Variants in GON4L observed in about 807,000 individuals in gnomAD.
GON4L encodes GON-4-like protein.
GON4L carries 87 observed loss-of-function variants against 211.8 expected under a neutral mutation model. The observed-to-expected ratio is 0.41, with a 90% confidence interval of 0.35 to 0.49. The LOEUF (loss-of-function observed/expected upper bound fraction) is 0.49, where lower values mean the gene tolerates loss of function less well. GON4L is among the 20% of genes least tolerant of loss of function. The pLI, the probability that GON4L is intolerant of heterozygous loss-of-function variation, is 0.15. For missense variants in GON4L, 2,155 were observed against 2,659.5 expected (o/e 0.81, Z 4.17); for synonymous variants, 875 against 962.6 (o/e 0.91, Z 1.68).
chr1:155,748,892 T>A, downstream of GON4L: 1 of 1,091,812 alleles, frequency 9.2e-7, no homozygotes, highest in African/African-American at 1.6e-5. Flanking sequence ...TCCCCACCCC[T>A]TAAAAAGGAT....
At chr1:155,806,099 T>C (rs1571808786) in intron 10 of GON4L, among the ~76,000 whole-genome samples, 1 of 151,536 alleles carries the variant, frequency 6.6e-6, no homozygotes, top group African/African-American at 2.4e-5. Context: ...GCAATTCTCC[T>C]GCCTCAGCCT....
intron 11 of GON4L, among the ~76,000 whole-genome samples, chr1:155,797,033 A>T (rs1666131395): frequency 6.6e-6 from 1 of 152,190 alleles, no homozygotes; most frequent in Admixed American, 6.5e-5. Context: ...TACATGCTTG[A>T]CTGAACACCC....
intron 23 of GON4L, 130 bp from the exon 24 acceptor site, chr1:155,760,771 C>T: frequency 1.6e-6 from 1 of 632,106 alleles, no homozygotes; most frequent in Admixed American, 2.6e-5. Context: ...GTGCCTCCAA[C>T]AGATCTTAAC....
intron 12 of GON4L, among the ~76,000 whole-genome samples, chr1:155,786,652 C>T (rs1369808282): frequency 6.6e-6 from 1 of 152,224 alleles, no homozygotes. Context: ...ATACCTAACA[C>T]ATCTGTAGAT....
intron 17 of GON4L, 158 bp downstream of exon 17, chr1:155,774,844 A>T (rs192308057): frequency 8.2e-6 from 7 of 853,758 alleles, no homozygotes; most frequent in Non-Finnish European, 1.3e-5. Context: ...TAGAACTTGG[A>T]TAATGAGTAC....
intron 10 of GON4L, 52 bp from the exon 11 acceptor site, chr1:155,805,193 A>C: frequency 8.7e-7 from 1 of 1,151,704 alleles, no homozygotes; most frequent in Non-Finnish European, 1.3e-6. Context: ...TCCAAACCTC[A>C]TCATCACTCC....
At chr1:155,780,441 A>G (rs1261532373) in intron 14 of GON4L, among the ~76,000 whole-genome samples, 2 of 151,852 alleles carry the variant, frequency 1.3e-5, no homozygotes, top group African/African-American at 4.8e-5. Flanking sequence ...AAAAATACGA[A>G]AATTAGCTGG....
chr1:155,797,981 T>C, intron 11 of GON4L, among the ~76,000 whole-genome samples: 1 of 151,654 alleles, frequency 6.6e-6, no homozygotes. Flanking sequence ...CTCAGAAGGC[T>C]GAGCTGGAAG....
Position 155,762,309 on chromosome 1 carries a change from G to C in GON4L, c.4792C>G (p.Arg1598Gly). 1 of 1,612,882 alleles carries C rather than the reference G, an allele frequency of 6.2e-7. No homozygotes were observed. Among genetic ancestry groups the C allele is most frequent in the Non-Finnish European group, 8.5e-7 (1 of 1,179,304 alleles). ...NHRARNKRGS[R>G]ARASKDTSKL... is the part of the protein sequence containing the mutation. ...GAGGTGTCCTTGCTGGCCCGAGCCCGACTTCCCCGCTTGTTGCGAGCTCGA... is the reference window on the plus strand; with the variant it reads ...GAGGTGTCCTTGCTGGCCCGAGCCCCACTTCCCCGCTTGTTGCGAGCTCGA... The change falls in exon 23 of 32, where the codon CGG becomes GGG. Residue 1598 changes from arginine to glycine, a missense_variant. Arg to Gly is a moderately radical substitution (Grantham distance 125). Coordinates refer to ENST00000368331, the MANE Select transcript of GON4L (RefSeq NM_001282860.2).
intron 5 of GON4L, 35 bp from the exon 6 acceptor site, chr1:155,820,691 A>T (rs764418633): frequency 1.0e-5 from 15 of 1,505,700 alleles, no homozygotes; most frequent in Non-Finnish European, 1.4e-5. Flanking sequence ...AATCCTCAAT[A>T]AAAATCACAG....
At chr1:155,754,524 GTTTTTTTTTTT>G (rs760971402) in intron 27 of GON4L, 36 bp from the exon 28 acceptor site, 8 of 477,386 alleles carry the variant, frequency 1.7e-5, no homozygotes, top group East Asian at 4.0e-5. Flanking sequence ...CTGCCAAGTT[GTTTTTTTTTTT>G]TTTTTTTTTT....
At chr1:155,806,154 AT>A (rs747278318) in intron 10 of GON4L, among the ~76,000 whole-genome samples, 1,628 of 138,668 alleles carry the variant, frequency 0.012, 8 homozygotes, top group African/African-American at 0.022. Flanking sequence ...TGCTCGGCTA[AT>A]TTTTTTTTTT....
At position 155,832,279 on chromosome 1, in the gene GON4L, CAAAAAAAAAAAAAAA is replaced by C. The variant is rs71080731; in HGVS notation, c.506-5266_506-5252del. On this transcript the variant is annotated intron_variant, in intron 2 of 31. Coordinates refer to ENST00000368331, the MANE Select transcript of GON4L (RefSeq NM_001282860.2). ...TGGGCAACAAAGCAAGACTCCGTCTCAAAAAAAAAAAAAAAAAAAAAAAGAAAGAAAAAAAAAGAA... is the reference window on the plus strand; with the variant it reads ...TGGGCAACAAAGCAAGACTCCGTCTCAAAAAAAAGAAAGAAAAAAAAAGAA... Among the ~76,000 whole-genome samples the C allele has an allele frequency of 4.2e-4, 24 of 57,356 alleles. No individual in the cohort carries two copies. The South Asian group carries it at 6.0e-3, about 14-fold the overall frequency. The allele number at this position is 57,356 out of a possible 152,430, so 37.6% of individuals were successfully genotyped here.
At chr1:155,831,269 A>C (rs1348354776) in intron 2 of GON4L, among the ~76,000 whole-genome samples, 1 of 152,074 alleles carries the variant, frequency 6.6e-6, no homozygotes, top group Non-Finnish European at 1.5e-5. Context: ...GCTGTACTCC[A>C]GCCTAGGTAA....
rs538380833 is a variant in GON4L, at chr1:155,828,791, G to C, written c.506-1763C>G. 2.3e-5 allele frequency among the ~76,000 whole-genome samples: 3 copies of C among 131,602 alleles called. No homozygotes were observed. In the South Asian group the frequency reaches 7.5e-4, roughly 33 times the overall value. The allele number at this position is 131,602 out of a possible 152,430, so 86.3% of individuals were successfully genotyped here. A position where few individuals can be genotyped will look rare whatever the true frequency, so the allele number is the denominator to read the frequency against. ...CCACTGAACTCCAGCCTGGGCGACA[G>C]AGAGAGACTCTGTCTCAAAAAAAAA... On this transcript the variant is annotated intron_variant, in intron 2 of 31. Transcript: ENST00000368331.
chr1:155,846,222 A>C (rs1046732623), intron 2 of GON4L: 1 of 225,790 alleles, frequency 4.4e-6, no homozygotes, highest in African/African-American at 2.3e-5. Context: ...GCAGAGAAGA[A>C]AGACAGGAAA....
chr1:155,836,991 C>A (rs1264234876), intron 2 of GON4L, among the ~76,000 whole-genome samples: 1 of 152,126 alleles, frequency 6.6e-6, no homozygotes, highest in Non-Finnish European at 1.5e-5. Flanking sequence ...CTTTGGGCCT[C>A]ACTGTTGGCC....
intron 14 of GON4L, among the ~76,000 whole-genome samples, chr1:155,782,602 A>C (rs969026337): frequency 6.6e-6 from 1 of 152,240 alleles, no homozygotes; most frequent in Admixed American, 6.5e-5. Flanking sequence ...ATTCTACTGA[A>C]TACCAGAAGG....
chr1:155,823,458 T>C (rs1219585988), intron 3 of GON4L, among the ~76,000 whole-genome samples: 3 of 152,186 alleles, frequency 2.0e-5, no homozygotes, highest in Non-Finnish European at 4.4e-5. Flanking sequence ...TATCCTCATA[T>C]ATAATGAAGG....
Sources: gnomAD v4.1 joint callset for allele counts (sites outside exome capture counted in the v4.1 genomes callset) on GRCh38, gnomAD v4.1.1 for gene constraint, MANE v1.5 for transcripts, NCBI Gene and HGNC (gene_info 2026-07-23, HGNC 2026-07-21) for gene names.